The following ADGRG2 variants were observed in gnomAD, a reference collection of about 807,000 sequenced individuals.
ADGRG2 encodes adhesion G protein-coupled receptor G2.
Under a neutral mutation model 74.1 loss-of-function variants are expected in ADGRG2, and 26 were observed. That is an observed-to-expected ratio of 0.35 (90% CI 0.26 to 0.49). The LOEUF is 0.49. Among genes scored for constraint, ADGRG2 ranks in the 20% least tolerant of loss-of-function variants. The pLI, the probability that ADGRG2 is intolerant of heterozygous loss-of-function variation, is 0.99. For synonymous variants in ADGRG2, 296 were observed against 295.2 expected (o/e 1.00, Z -0.03); for missense variants, 619 against 763.1 (o/e 0.81, Z 2.22).
intron 3 of ADGRG2, among the ~76,000 whole-genome samples, chrX:19,065,261 C>CAAAAA (rs749063279): frequency 2.8e-3 from 31 of 10,972 alleles, no homozygotes; most frequent in Non-Finnish European, 3.3e-3. Flanking sequence ...GATCCTGTCT[C>CAAAAA]AAAAAAAAAA....
At chrX:18,998,847 G>T (rs932914699) in intron 26 of ADGRG2, 149 bp downstream of exon 26, 1 of 486,685 alleles carries the variant, frequency 2.1e-6, no homozygotes, top group African/African-American at 2.4e-5. Context: ...AACAATTTGT[G>T]TGACTCACTT....
At chrX:19,082,014 A>G (rs746767324) in intron 2 of ADGRG2, among the ~76,000 whole-genome samples, 136 of 94,944 alleles carry the variant, frequency 1.4e-3, no homozygotes, top group African/African-American at 5.1e-3. Flanking sequence ...TCAAAACTGC[A>G]GTGAGCTGTG....
chrX:19,047,957 TA>T (rs953453183), intron 3 of ADGRG2, among the ~76,000 whole-genome samples: 12 of 111,392 alleles, frequency 1.1e-4, no homozygotes, highest in Non-Finnish European at 1.9e-4. Context: ...ATGACATCAT[TA>T]AAAAAAACTT....
At chrX:19,094,927 T>A (rs1173251506) in intron 1 of ADGRG2, among the ~76,000 whole-genome samples, 3 of 112,078 alleles carry the variant, frequency 2.7e-5, no homozygotes, top group Middle Eastern at 4.2e-3. Flanking sequence ...CTTTTTTTAG[T>A]ACTATCCTCT....
intron 1 of ADGRG2, among the ~76,000 whole-genome samples, chrX:19,086,795 C>A (rs1015600859): frequency 9.0e-6 from 1 of 111,650 alleles, no homozygotes; most frequent in Admixed American, 9.5e-5. Context: ...TCCTGGAGGG[C>A]TCAGCACTTC....
At chrX:19,102,753 C>T (rs2062211454) in intron 1 of ADGRG2, among the ~76,000 whole-genome samples, 1 of 110,587 alleles carries the variant, frequency 9.0e-6, no homozygotes, top group South Asian at 3.9e-4. Flanking sequence ...TCCCCGCTTC[C>T]CCCACCTCTC....
At chrX:19,120,405 T>A (rs772340168) in intron 1 of ADGRG2, among the ~76,000 whole-genome samples, 14 of 112,364 alleles carry the variant, frequency 1.2e-4, no homozygotes, top group Non-Finnish European at 2.4e-4. Context: ...GTATTGTCTA[T>A]CAATAATTAA....
At chrX:19,073,901 T>C (rs903787030) in intron 2 of ADGRG2, among the ~76,000 whole-genome samples, 1 of 112,151 alleles carries the variant, frequency 8.9e-6, no homozygotes, top group Admixed American at 9.5e-5. Flanking sequence ...GAGTCATATA[T>C]GTTGGCTTAC....
intron 8 of ADGRG2, chrX:19,031,629 T>C (rs964910767): frequency 8.9e-6 from 1 of 112,261 alleles, no homozygotes. Flanking sequence ...TACTAGCCAG[T>C]AAATAAAAAG....
In ADGRG2 at chrX:18,990,991, C is replaced by T. The variant is rs755023213; in HGVS notation, c.2927G>A (p.Cys976Tyr). The change falls in exon 29 of 29, where the codon TGC (cysteine) becomes TAC (tyrosine). Residue 976 changes from cysteine (C) to tyrosine (Y), a missense_variant. By Grantham distance (194) the Cys-to-Tyr change is radical. Around this residue, in one of 3 missense-constraint regions of ADGRG2, gnomAD observed 106 missense variants for 104.5 expected, o/e 1.01. Transcript: ENST00000379869. ...VSFSVQNGDV[C>Y]LHDFTGKQHM... is the part of the protein sequence containing the mutation. ...CTGTTTTCCAGTGAAATCGTGAAGG[C>T]ACACATCTCCATTCTGAACACTAAA... is the stretch of plus-strand genomic sequence containing the variant. The T allele has an allele frequency of 8.3e-7, 1 of 1,199,746 alleles. No individual in the cohort carries two copies. Among genetic ancestry groups the T allele is most frequent in the South Asian group, 1.8e-5 (1 of 56,488 alleles).
intron 4 of ADGRG2, among the ~76,000 whole-genome samples, chrX:19,039,858 T>G (rs1372491751): frequency 8.9e-6 from 1 of 112,077 alleles, no homozygotes; most frequent in African/African-American, 3.2e-5. Context: ...TGTAAAAACA[T>G]CTGGCATGTT....
intron 7 of ADGRG2, chrX:19,035,422 A>C (rs2146717062): frequency 8.9e-6 from 1 of 112,602 alleles, no homozygotes; most frequent in Admixed American, 9.4e-5. Context: ...ATGGAATATT[A>C]TCAAGTCATA....
chrX:19,074,593 G>A (rs1231875323), intron 2 of ADGRG2, among the ~76,000 whole-genome samples: 5 of 57,587 alleles, frequency 8.7e-5, no homozygotes, highest in Admixed American at 2.2e-4. Flanking sequence ...TGTTTGAGGC[G>A]GAGTCTCGCT....
intron 26 of ADGRG2, among the ~76,000 whole-genome samples, chrX:18,997,719 G>A (rs1190709231): frequency 1.8e-5 from 2 of 111,851 alleles, no homozygotes; most frequent in Non-Finnish European, 3.8e-5. Context: ...AACCAAATTC[G>A]GCATTTGAAT....
chrX:19,030,892 C>A, intron 9 of ADGRG2, 92 bp downstream of exon 9: 1 of 596,216 alleles, frequency 1.7e-6, no homozygotes, highest in Non-Finnish European at 2.6e-6. Flanking sequence ...CTCCAAGAGG[C>A]ACATACCACA....
chrX:19,049,438 GTTT>G (rs752686975), intron 3 of ADGRG2, among the ~76,000 whole-genome samples: 14 of 82,192 alleles, frequency 1.7e-4, no homozygotes, highest in East Asian at 1.1e-3. Context: ...CGTTTTTTGT[GTTT>G]TTTTTTTTTT....
intron 1 of ADGRG2, among the ~76,000 whole-genome samples, chrX:19,107,227 C>A (rs1487354955): frequency 8.9e-6 from 1 of 112,340 alleles, no homozygotes; most frequent in African/African-American, 3.2e-5. Flanking sequence ...TGCATTTTAA[C>A]AAGATCCCCA....
At chrX:19,043,122 A>AATT (rs2061104705) in intron 3 of ADGRG2, among the ~76,000 whole-genome samples, 1 of 111,847 alleles carries the variant, frequency 8.9e-6, no homozygotes, top group Admixed American at 9.5e-5. Flanking sequence ...GAATCTAGTA[A>AATT]ATTAAAGCTA....
chrX:19,035,671 A>G (rs1178589719), intron 7 of ADGRG2: 1 of 218,103 alleles, frequency 4.6e-6, no homozygotes. Context: ...CTCCATCTTT[A>G]TGAGCTAATA....
Sources: allele counts gnomAD v4.1 joint callset (sites outside exome capture counted in the v4.1 genomes callset), GRCh38; gene constraint gnomAD v4.1.1; regional missense constraint gnomAD v4.1.1; transcripts MANE v1.5; gene names NCBI Gene and HGNC (gene_info 2026-07-23, HGNC 2026-07-21).